ABCB5: variants seen among roughly 807,000 people sequenced by gnomAD.
ABCB5 encodes ATP binding cassette subfamily B member 5.
Under a neutral mutation model 144.2 loss-of-function variants are expected in ABCB5, and 155 were observed. The observed-to-expected ratio is 1.08, with a 90% CI of 0.94 to 1.23. ABCB5 has a LOEUF of 1.23. ABCB5 is among the 50% of genes most tolerant of loss of function. The pLI is 0.00. For missense variants in ABCB5, 1,830 were observed against 1,520.8 expected (o/e 1.20, Z -3.38); for synonymous variants, 610 against 528.6 (o/e 1.15, Z -2.11).
intron 5 of ABCB5, 137 bp downstream of exon 5, chr7:20,632,250 T>C: frequency 1.8e-6 from 1 of 560,908 alleles, no homozygotes; most frequent in South Asian, 3.2e-5. Flanking sequence ...TTCCTCTTCT[T>C]TCATTAGGTA....
chr7:20,670,054 C>G (rs1232105506), intron 14 of ABCB5, among the ~76,000 whole-genome samples: 2 of 152,184 alleles, frequency 1.3e-5, no homozygotes, highest in Non-Finnish European at 2.9e-5. Context: ...TACAAAACAT[C>G]TAACCAGTGT....
chr7:20,616,504 G>C (rs1783688450), intron 1 of ABCB5, among the ~76,000 whole-genome samples: 1 of 152,140 alleles, frequency 6.6e-6, no homozygotes, highest in African/African-American at 2.4e-5. Context: ...CATGAACCTA[G>C]AAATATTTTT....
chr7:20,618,644 T>A (rs189315378), intron 1 of ABCB5, among the ~76,000 whole-genome samples: 164 of 152,280 alleles, frequency 1.1e-3, no homozygotes, highest in African/African-American at 3.8e-3. Flanking sequence ...AGCTCCCATT[T>A]ATCAGTGAAA....
At chr7:20,706,810 GACA>G (rs1432500602) in intron 20 of ABCB5, among the ~76,000 whole-genome samples, 3 of 152,148 alleles carry the variant, frequency 2.0e-5, no homozygotes, top group African/African-American at 7.2e-5. Context: ...CTCCAGCCTG[GACA>G]ACATAGTGGG....
intron 14 of ABCB5, among the ~76,000 whole-genome samples, chr7:20,671,919 T>C (rs1445474479): frequency 2.0e-5 from 3 of 152,240 alleles, no homozygotes; most frequent in African/African-American, 7.2e-5. Flanking sequence ...TTCTTTTACA[T>C]TTCTACAAGA....
At chr7:20,617,243 A>AC (rs1783707144) in intron 1 of ABCB5, among the ~76,000 whole-genome samples, 1 of 152,114 alleles carries the variant, frequency 6.6e-6, no homozygotes. Context: ...GAATGAGTAA[A>AC]TTTTTTTAAA....
chr7:20,732,767 G>A (rs550326493), intron 23 of ABCB5, among the ~76,000 whole-genome samples: 1 of 152,280 alleles, frequency 6.6e-6, no homozygotes, highest in African/African-American at 2.4e-5. Context: ...GTGGAATTGA[G>A]AATTTACCTG....
chr7:20,717,730 C>A (rs1354334322), intron 20 of ABCB5, among the ~76,000 whole-genome samples: 1 of 151,750 alleles, frequency 6.6e-6, no homozygotes, highest in Non-Finnish European at 1.5e-5. Flanking sequence ...AGCCACCGCA[C>A]CTGGCCCAAA....
Position 20,691,895 on chromosome 7 carries a change from A to T in ABCB5, c.2010+6059A>T, listed in dbSNP as rs1004429442. 4.9e-4 allele frequency among the ~76,000 whole-genome samples: 74 copies of T among 152,218 alleles called. 1 individual carries two copies. The Middle Eastern group carries it at 0.01, about 21-fold the overall frequency. On this transcript the variant is annotated intron_variant, in intron 16 of 27. Coordinates refer to ENST00000404938, the MANE Select transcript of ABCB5 (RefSeq NM_001163941.2). Reference sequence around the variant, plus strand: ...TTACAATGTCTGGCATCCATTCAAAAATCACCAGGCAAGCAAAAAAGGAGA... The same window carrying T: ...TTACAATGTCTGGCATCCATTCAAATATCACCAGGCAAGCAAAAAAGGAGA...
At chr7:20,657,872 G>T (rs1469488396) in intron 13 of ABCB5, among the ~76,000 whole-genome samples, 1 of 152,182 alleles carries the variant, frequency 6.6e-6, no homozygotes, top group African/African-American at 2.4e-5. Flanking sequence ...AATAAACTTT[G>T]AATCAGGGAC....
chr7:20,689,135 A>G (rs948758906), intron 16 of ABCB5, among the ~76,000 whole-genome samples: 4 of 152,118 alleles, frequency 2.6e-5, no homozygotes, highest in Admixed American at 1.3e-4. Context: ...AATAATAATA[A>G]TAATAAAAGA....
At position 20,651,439 on chromosome 7, in the gene ABCB5, A is replaced by G; in HGVS notation, c.1352A>G (p.Asp451Gly). The G allele has an allele frequency of 6.2e-7, 1 of 1,614,086 alleles. No homozygotes were observed. Among genetic ancestry groups the G allele is most frequent in the Non-Finnish European group, 8.5e-7 (1 of 1,179,980 alleles). ...DDGFIMVDENDIRALNVRHYR... is the reference protein window; with the variant it reads ...DDGFIMVDENGIRALNVRHYR... ...TGGCAGATCATGGTGGATGAGAATG[A>G]CATCAGAGCTTTAAATGTGCGGCAT... Residue 451 changes from aspartate to glycine, a missense_variant, in exon 13 of 28, where the codon GAC becomes GGC. By Grantham distance (94) the Asp-to-Gly change is moderately conservative (BLOSUM62 -1). Transcript: ENST00000404938.
chr7:20,705,417 A>G (rs1051574863), intron 20 of ABCB5, among the ~76,000 whole-genome samples: 4 of 152,194 alleles, frequency 2.6e-5, no homozygotes, highest in African/African-American at 9.6e-5. Context: ...AGAGGTAAGT[A>G]ATAATTTGTT....
chr7:20,674,149 T>A lies in ABCB5; in HGVS notation c.1708-7356T>A, dbSNP rs763219456. Reference sequence around the variant, plus strand: ...CATTGTAACTTTTAAAATTAATCATTAGTTTTTAAAAAAATTTAAATAGGT... The same window carrying A: ...CATTGTAACTTTTAAAATTAATCATAAGTTTTTAAAAAAATTTAAATAGGT... On this transcript the variant is annotated intron_variant, in intron 14 of 27. Transcript: ENST00000404938. Among the ~76,000 whole-genome samples the A allele has an allele frequency of 2.3e-4, 35 of 151,990 alleles. 1 individual carries two copies. The highest frequency in any genetic ancestry group is 2.9e-5 in the Non-Finnish European group (2 of 67,838).
intron 2 of ABCB5, among the ~76,000 whole-genome samples, chr7:20,624,873 C>A (rs1017967445): frequency 1.3e-5 from 2 of 152,090 alleles, no homozygotes; most frequent in Non-Finnish European, 2.9e-5. Flanking sequence ...CGCCCTTGGC[C>A]TTTGCCAAAG....
At chr7:20,659,787 G>A (rs112819083) in intron 14 of ABCB5, 166 of 981,560 alleles carry the variant, frequency 1.7e-4, no homozygotes, top group African/African-American at 3.8e-4. Flanking sequence ...GTGTTCAAGC[G>A]ATTCTCCTGC....
chr7:20,636,737 A>T (rs1219498808), intron 5 of ABCB5, among the ~76,000 whole-genome samples: 1 of 148,864 alleles, frequency 6.7e-6, no homozygotes. Context: ...GTGAGCTGAG[A>T]TCACACCACT....
At chr7:20,627,049 T>C (rs1783924591) in intron 3 of ABCB5, among the ~76,000 whole-genome samples, 1 of 152,172 alleles carries the variant, frequency 6.6e-6, no homozygotes, top group South Asian at 2.1e-4. Context: ...AAATCAAAAA[T>C]AATTATCTAA....
chr7:20,740,777 T>A (rs1192316789), intron 24 of ABCB5, among the ~76,000 whole-genome samples: 2 of 152,140 alleles, frequency 1.3e-5, no homozygotes, highest in East Asian at 3.8e-4. Flanking sequence ...TTATTTAGTA[T>A]GTAAATGTTT....
Sources: gnomAD v4.1 joint callset for allele counts (sites outside exome capture counted in the v4.1 genomes callset) on GRCh38, gnomAD v4.1.1 for gene constraint, MANE v1.5 for transcripts, NCBI Gene and HGNC (gene_info 2026-07-23, HGNC 2026-07-21) for gene names.